HDAC4: variants seen among roughly 807,000 people sequenced by gnomAD.
HDAC4 encodes the protein histone deacetylase A.
A neutral mutation model predicts 135.1 loss-of-function variants in HDAC4; 16 were observed. The observed-to-expected ratio is 0.12, with a 90% CI of 0.08 to 0.18. The LOEUF (loss-of-function observed/expected upper bound fraction) is 0.18. Among genes scored for constraint, HDAC4 ranks in the 10% least tolerant of loss-of-function variants. HDAC4 has a pLI of 1.00. For missense variants in HDAC4, 1,143 were observed against 1,511.8 expected, an observed-to-expected ratio of 0.76 and a Z score of 4.05; for synonymous variants, 685 against 653.4, an observed-to-expected ratio of 1.05 and a Z score of -0.74.
Position 239,316,121 on chromosome 2 carries a change from A to G in HDAC4, c.22+36557T>C, listed in dbSNP as rs181590444. On this transcript the variant is annotated intron_variant, in intron 2 of 26. Transcript: ENST00000543185. ...TTACAAACTGAAATATCCTTCATCT[A>G]CCAAATCAGCAAGTAAGTAATACAC... is the stretch of plus-strand genomic sequence containing the variant. 1.2e-3 allele frequency among the ~76,000 whole-genome samples: 181 copies of G among 152,318 alleles called. 1 individual carries two copies. Among genetic ancestry groups the G allele is most frequent in the African/African-American group, 4.3e-3 (177 of 41,576 alleles).
intron 11 of HDAC4, among the ~76,000 whole-genome samples, chr2:239,127,685 C>G (rs2040289344): frequency 2.0e-5 from 3 of 152,352 alleles, no homozygotes; most frequent in South Asian, 2.1e-4. Flanking sequence ...CTCTTGGAGG[C>G]CCTGGTGGGG....
intron 1 of HDAC4, among the ~76,000 whole-genome samples, chr2:239,367,783 G>A (rs1361193087): frequency 6.6e-6 from 1 of 152,076 alleles, no homozygotes; most frequent in Non-Finnish European, 1.5e-5. Context: ...AGGTAAGCCT[G>A]GCCAACATGG....
intron 11 of HDAC4, among the ~76,000 whole-genome samples, chr2:239,133,189 C>T (rs1274276511): frequency 6.6e-6 from 1 of 152,148 alleles, no homozygotes; most frequent in African/African-American, 2.4e-5. Context: ...GACACATGGG[C>T]AGCACAAAAC....
intron 2 of HDAC4, among the ~76,000 whole-genome samples, chr2:239,294,169 G>A (rs1004427043): frequency 2.8e-4 from 43 of 152,144 alleles, no homozygotes; most frequent in African/African-American, 1.0e-3. Context: ...TCACATTTAC[G>A]CTAAAACAGA....
At position 239,352,772 on chromosome 2, in the gene HDAC4, G is replaced by C. The variant is rs1693249285; in HGVS notation, c.-73C>G. ...TCCACGGAAACGATAGCTCCAACGA[G>C]CTCCAAACTCCCACCAACACATACA... On this transcript the variant is annotated 5_prime_UTR_variant, in exon 2 of 27. Coordinates refer to ENST00000543185, the MANE Select transcript of HDAC4 (RefSeq NM_001378414.1). The surrounding 1 kb of genome is among the most constrained non-coding windows in gnomAD (Gnocchi z 4.4). 1 of 1,398,956 alleles carries C rather than the reference G, an allele frequency of 7.1e-7. No homozygotes were observed. Among genetic ancestry groups the C allele is most frequent in the African/African-American group, 1.4e-5 (1 of 69,944 alleles). The allele number at this position is 1,398,956 out of a possible 1,614,324, so 86.7% of individuals were successfully genotyped here. A position where few individuals can be genotyped will look rare whatever the true frequency, so the allele number is the denominator to read the frequency against.
At chr2:239,363,609 T>G (rs1203724931) in intron 1 of HDAC4, among the ~76,000 whole-genome samples, 1 of 152,068 alleles carries the variant, frequency 6.6e-6, no homozygotes, top group African/African-American at 2.4e-5. Context: ...CAGACCTAAA[T>G]GTTAAAGGTA....
chr2:239,389,085 T>A (rs1696022179), intron 1 of HDAC4, among the ~76,000 whole-genome samples: 1 of 152,174 alleles, frequency 6.6e-6, no homozygotes, highest in South Asian at 2.1e-4. Flanking sequence ...GCTAGAGGAT[T>A]GTAAATGCAC....
At chr2:239,053,905 C>A (rs1203635691) in intron 25 of HDAC4, among the ~76,000 whole-genome samples, 1 of 152,118 alleles carries the variant, frequency 6.6e-6, no homozygotes, top group Non-Finnish European at 1.5e-5. Flanking sequence ...GGGCCCCTTT[C>A]TGCCCTGGGT....
At chr2:239,080,983 G>A (rs1001342900) in intron 22 of HDAC4, 112 bp downstream of exon 22, 6 of 800,216 alleles carry the variant, frequency 7.5e-6, no homozygotes, top group South Asian at 1.6e-5. Flanking sequence ...CCACAGCCCC[G>A]TTCAGCCACA....
intron 11 of HDAC4, among the ~76,000 whole-genome samples, chr2:239,127,710 C>G (rs988696778): frequency 3.9e-5 from 6 of 152,226 alleles, no homozygotes; most frequent in South Asian, 2.1e-4. Context: ...CTTTGGAACT[C>G]GGCATCCGCC....
rs370256450 is a variant in HDAC4, at chr2:239,156,810, C to T, written c.612-37G>A. 8 of 1,613,438 alleles carry T rather than the reference C, an allele frequency of 5.0e-6. No homozygotes were observed. In the African/African-American group the frequency reaches 8.0e-5, roughly 16 times the overall value. ...GCAAAGACAGATGGTTTAGTTTACC[C>T]AGCGCACTGCCCCAGGCATGCTGCA... On this transcript the variant is annotated intron_variant, in intron 6 of 26. Coordinates refer to ENST00000543185, the MANE Select transcript of HDAC4 (RefSeq NM_001378414.1).
intron 22 of HDAC4, among the ~76,000 whole-genome samples, chr2:239,077,194 T>G (rs532861236): frequency 6.6e-6 from 1 of 152,346 alleles, no homozygotes; most frequent in South Asian, 2.1e-4. Flanking sequence ...GAGGCCCCGA[T>G]AGAGCCCCTG....
At chr2:239,134,859 C>G (rs774027787) in intron 9 of HDAC4, among the ~76,000 whole-genome samples, 1 of 152,344 alleles carries the variant, frequency 6.6e-6, no homozygotes, top group African/African-American at 2.4e-5. Flanking sequence ...CCTCCCGATA[C>G]GAGTTCTTCT....
At chr2:239,195,223 A>C (rs1229733799) in intron 3 of HDAC4, among the ~76,000 whole-genome samples, 1 of 152,252 alleles carries the variant, frequency 6.6e-6, no homozygotes, top group Non-Finnish European at 1.5e-5. Context: ...CTGCCACGTG[A>C]AACTCCACTA....
intron 7 of HDAC4, among the ~76,000 whole-genome samples, chr2:239,150,491 C>A (rs921303064): frequency 5.1e-4 from 77 of 152,122 alleles, no homozygotes; most frequent in Admixed American, 1.5e-3. Flanking sequence ...CACAGGTACA[C>A]ACACAGATAT....
intron 2 of HDAC4, among the ~76,000 whole-genome samples, chr2:239,258,218 T>C (rs1031458965): frequency 4.0e-5 from 6 of 151,568 alleles, no homozygotes; most frequent in African/African-American, 1.5e-4. Flanking sequence ...AGAAGGACAT[T>C]TCCAGAATGA....
At chr2:239,194,986 T>A (rs2045278206) in intron 3 of HDAC4, among the ~76,000 whole-genome samples, 1 of 152,008 alleles carries the variant, frequency 6.6e-6, no homozygotes, top group African/African-American at 2.4e-5. Context: ...AGAGTGCGGG[T>A]CCCCTGAGGA....
Position 239,314,931 on chromosome 2 carries a change from G to A in HDAC4, c.22+37747C>T, listed in dbSNP as rs770549672. ...GGACGGGCATTCAGATGTGCCTCAT[G>A]ATACCCTCCTCCCTTTTGGAATTGC... On this transcript the variant is annotated intron_variant, in intron 2 of 26. Transcript: ENST00000543185. Among the ~76,000 whole-genome samples the A allele has an allele frequency of 2.7e-4, 41 of 152,106 alleles. 1 individual carries two copies. Among genetic ancestry groups the A allele is most frequent in the Admixed American group, 4.6e-4 (7 of 15,274 alleles).
chr2:239,111,822 C>T (rs2038701480), intron 13 of HDAC4, 110 bp from the exon 14 acceptor site: 1 of 1,015,004 alleles, frequency 9.9e-7, no homozygotes, highest in South Asian at 1.4e-5. Context: ...ACAGGCCATA[C>T]ATGGGCCACA....
Sources: gnomAD v4.1 joint callset for allele counts (sites outside exome capture counted in the v4.1 genomes callset) on GRCh38, gnomAD v4.1.1 for gene constraint, Gnocchi (gnomAD v3.1) non-coding constraint, MANE v1.5 for transcripts, NCBI Gene and HGNC (gene_info 2026-07-23, HGNC 2026-07-21) for gene names.